TMEM63B: variants seen among roughly 807,000 people sequenced by gnomAD.
The protein encoded by TMEM63B is mechanosensitive cation channel TMEM63B.
In TMEM63B, 23 loss-of-function variants were observed where a neutral mutation model predicts 102.6. The ratio of observed to expected loss-of-function variants is 0.22; its 90% CI spans 0.16 to 0.32. The LOEUF (loss-of-function observed/expected upper bound fraction) is 0.32. Ranked by LOEUF, TMEM63B falls within the 10% of genes least tolerant of loss-of-function variation. The pLI is 1.00. For missense variants in TMEM63B, 628 were observed against 1,095.9 expected (o/e 0.57, Z 6.03); for synonymous variants, 444 against 437.0 (o/e 1.02, Z -0.20).
chr6:44,154,317 G>A (rs1276249891), intron 22 of TMEM63B, 48 bp from the exon 23 acceptor site: 2 of 1,607,850 alleles, frequency 1.2e-6, no homozygotes, highest in African/African-American at 2.7e-5. Flanking sequence ...GTCATGATCA[G>A]GGCTGAGGAC....
At chr6:44,149,153 C>A (rs760221694) in intron 15 of TMEM63B, 109 of 649,132 alleles carry the variant, frequency 1.7e-4, no homozygotes, top group Non-Finnish European at 2.6e-4. Context: ...TGTGCAACAC[C>A]TGGAGAAACA....
At chr6:44,136,541 G>T in intron 5 of TMEM63B, 102 bp downstream of exon 5, 1 of 833,088 alleles carries the variant, frequency 1.2e-6, no homozygotes, top group Non-Finnish European at 1.9e-6. Flanking sequence ...AGGGATGCTG[G>T]TTTGGCCTCC....
At chr6:44,127,482 T>A (rs907751078), upstream of TMEM63B, 4 of 150,938 alleles carry the variant, frequency 2.7e-5, no homozygotes, top group African/African-American at 7.3e-5. Context: ...GCACCTTGCG[T>A]GCGCCGGCGT....
At chr6:44,147,667 C>T (rs573486630) in intron 12 of TMEM63B, among the ~76,000 whole-genome samples, 167 bp downstream of exon 12, 1 of 152,302 alleles carries the variant, frequency 6.6e-6, no homozygotes, top group South Asian at 2.1e-4. Flanking sequence ...GTTTTCAAAC[C>T]TCAAATTAGA....
chr6:44,147,401 G>A lies in TMEM63B; in HGVS notation c.888G>A (p.Leu296=), dbSNP rs1038363095. 1.9e-6 allele frequency: 3 copies of A among 1,614,088 alleles called. 1 individual carries two copies. Among genetic ancestry groups the A allele is most frequent in the African/African-American group, 2.7e-5 (2 of 74,910 alleles). The change falls in exon 12 of 24, where the codon CTG becomes CTA. Residue 296 remains leucine (L), a synonymous_variant. Transcript: ENST00000323267. ...AERKKAERGK[L]YFTNLQSKEN... ...GGAAGAAGGCCGAGCGGGGAAAGCT[G>A]TACTTCACAAACCTCCAGAGCAAGG...
At chr6:44,129,527 G>A (rs1777888463) in intron 1 of TMEM63B, among the ~76,000 whole-genome samples, 1 of 152,100 alleles carries the variant, frequency 6.6e-6, no homozygotes, top group Admixed American at 6.6e-5. Context: ...CTGAACTTCT[G>A]ACCCATAACT....
At chr6:44,140,221 G>C in intron 8 of TMEM63B, 31 bp from the exon 9 acceptor site, 1 of 1,572,922 alleles carries the variant, frequency 6.4e-7, no homozygotes, top group Non-Finnish European at 8.7e-7. Flanking sequence ...TAGCCCCAGT[G>C]GCTCCCATGT....
At chr6:44,138,319 T>G in intron 5 of TMEM63B, 161 bp from the exon 6 acceptor site, 2 of 808,334 alleles carry the variant, frequency 2.5e-6, no homozygotes, top group South Asian at 1.6e-5. Context: ...TCTCTCCCTT[T>G]TTGGGTATAA....
intron 9 of TMEM63B, 52 bp downstream of exon 9, chr6:44,140,412 C>T: frequency 1.4e-6 from 2 of 1,474,696 alleles, no homozygotes; most frequent in Middle Eastern, 1.7e-4. Flanking sequence ...CTTCCCTTCC[C>T]TTCCCTGCAG....
In TMEM63B at chr6:44,151,985, G is replaced by C; in HGVS notation, c.1813G>C (p.Ala605Pro). The change falls in exon 19 of 24, where the codon GCC becomes CCC. Residue 605 changes from alanine to proline, a missense_variant. Ala to Pro is a conservative substitution (Grantham distance 27). This residue lies in a region of TMEM63B where 90 missense variants were observed against 136.7 expected (regional missense o/e 0.66). Transcript: ENST00000323267. ...MIRLCLARSA[A>P]ERRNVKRHQA... Reference sequence around the variant, plus strand: ...CCGGCTCTGCCTGGCGCGCTCGGCCGCCGAGAGGCGCAACGTGAAGCGGGT... The same window carrying C: ...CCGGCTCTGCCTGGCGCGCTCGGCCCCCGAGAGGCGCAACGTGAAGCGGGT... 6.2e-7 allele frequency: 1 copy of C among 1,610,378 alleles called. No individual in the cohort carries two copies. The highest frequency in any genetic ancestry group is 8.5e-7 in the Non-Finnish European group (1 of 1,178,344).
In TMEM63B at chr6:44,141,005, A is replaced by G. The variant is rs777122799; in HGVS notation, c.712-23A>G. 2.5e-6 allele frequency: 4 copies of G among 1,613,364 alleles called. No individual in the cohort carries two copies. The South Asian group carries it at 4.4e-5, about 18-fold the overall frequency. ...CCACTGGGGTCAAGCCTCAGAAGGC[A>G]AACCCACTCCCCTGTCACCCAGGTG... is the stretch of plus-strand genomic sequence containing the variant. On this transcript the variant is annotated intron_variant, in intron 9 of 23. Coordinates refer to ENST00000323267, the MANE Select transcript of TMEM63B (RefSeq NM_018426.3).
At chr6:44,132,797 A>G (rs2128222497) in intron 1 of TMEM63B, among the ~76,000 whole-genome samples, 1 of 152,300 alleles carries the variant, frequency 6.6e-6, no homozygotes. Context: ...CAGCACCCAC[A>G]GGTTCTCTGG....
In TMEM63B at chr6:44,154,430, T is replaced by C. The variant is rs758736983; in HGVS notation, c.2292T>C (p.Ala764=). The change falls in exon 23 of 24, where the codon GCT becomes GCC. Residue 764 remains alanine (A), a synonymous_variant. Transcript: ENST00000323267. The part of the protein sequence containing the change: ...RSNGRPPTAA[A]VPKSAKYIAQ... ...ATGGACGGCCCCCCACTGCTGCTGC[T>C]GTCCCCAAATCTGCGGTGAGTGCCC... 3.1e-6 allele frequency: 5 copies of C among 1,614,016 alleles called. No homozygotes were observed. The Middle Eastern group carries it at 6.6e-4, about 213-fold the overall frequency.
Position 44,140,166 on chromosome 6 carries a change from A to G in TMEM63B, c.603-86A>G, listed in dbSNP as rs563136261. On this transcript the variant is annotated intron_variant, in intron 8 of 23. Coordinates refer to ENST00000323267, the MANE Select transcript of TMEM63B (RefSeq NM_018426.3). ...GCAGTAGAGGGCCCTGTCTGTATCA[A>G]GGGTTTAACACTGACAGGCTGAGGT... The G allele has an allele frequency of 4.8e-5, 52 of 1,082,340 alleles. 1 individual carries two copies. The Admixed American group carries it at 5.8e-4, about 12-fold the overall frequency. 67.0% of individuals were successfully genotyped at this position (1,082,340 alleles called of 1,614,324 possible).
At position 44,150,690 on chromosome 6, in the gene TMEM63B, A is replaced by G; in HGVS notation, c.1673+61A>G. 1 of 1,529,654 alleles carries G rather than the reference A, an allele frequency of 6.5e-7. No homozygotes were observed. 94.8% of individuals were successfully genotyped at this position (1,529,654 alleles called of 1,614,324 possible). A position where few individuals can be genotyped will look rare whatever the true frequency, so the allele number is the denominator to read the frequency against. The stretch of plus-strand genomic sequence containing the variant: ...CAGCAGGGGTGGGTATGCTTGAGAG[A>G]CATTGCCAGCCCCATGGGAGGGTGC... On this transcript the variant is annotated intron_variant, in intron 18 of 23. Transcript: ENST00000323267. This position sits in a 1 kb window ranked among gnomAD's most constrained non-coding sequence, Gnocchi z 4.7.
chr6:44,146,944 AGAG>A lies in TMEM63B; in HGVS notation c.863+22_863+24del. On this transcript the variant is annotated intron_variant, in intron 11 of 23. Coordinates refer to ENST00000323267, the MANE Select transcript of TMEM63B (RefSeq NM_018426.3). The stretch of plus-strand genomic sequence containing the variant: ...TGCAGAGAGGTAAGGGACTGGGGGC[AGAG>A]GAGGGTGACACCAAGGGCCCCCTGC... 1 of 1,613,628 alleles carries A rather than the reference AGAG, an allele frequency of 6.2e-7. No homozygotes were observed. Among genetic ancestry groups the A allele is most frequent in the Non-Finnish European group, 8.5e-7 (1 of 1,179,732 alleles).
Position 44,137,990 on chromosome 6 carries a change from G to A in TMEM63B, c.370-490G>A, listed in dbSNP as rs559620959. Among the ~76,000 whole-genome samples the A allele has an allele frequency of 6.6e-5, 10 of 152,288 alleles. No individual in the cohort carries two copies. In the South Asian group the frequency reaches 1.0e-3, roughly 16 times the overall value. On this transcript the variant is annotated intron_variant, in intron 5 of 23. Transcript: ENST00000323267. Reference sequence around the variant, plus strand: ...GCTGGGATTACAGGCGTGAGCCACCGCACCTGGCCGGAGGTGGGGAGATAC... The same window carrying A: ...GCTGGGATTACAGGCGTGAGCCACCACACCTGGCCGGAGGTGGGGAGATAC...
Position 44,152,576 on chromosome 6 carries a change from G to A in TMEM63B, c.1837-17G>A. 1 of 1,599,768 alleles carries A rather than the reference G, an allele frequency of 6.3e-7. No homozygotes were observed. On this transcript the variant is annotated splice_polypyrimidine_tract_variant and intron_variant, in intron 19 of 23. Coordinates refer to ENST00000323267, the MANE Select transcript of TMEM63B (RefSeq NM_018426.3). This position sits in a 1 kb window ranked among gnomAD's most constrained non-coding sequence, Gnocchi z 6.4. ...CCCTGCCTCCCTGAGCCATCCTCCT[G>A]CCCGTCTCCCCCCCAGCATCAGGCC... is the stretch of plus-strand genomic sequence containing the variant.
chr6:44,147,542 G>T (rs776786719), intron 12 of TMEM63B, 42 bp downstream of exon 12: 34 of 1,606,852 alleles, frequency 2.1e-5, no homozygotes, highest in Non-Finnish European at 2.6e-5. Context: ...AAGTTGGACA[G>T]GTCCTGGGCA....
Sources: allele counts gnomAD v4.1 joint callset (sites outside exome capture counted in the v4.1 genomes callset), GRCh38; gene constraint gnomAD v4.1.1; regional missense constraint gnomAD v4.1.1; non-coding constraint Gnocchi (gnomAD v3.1); transcripts MANE v1.5; gene names NCBI Gene and HGNC (gene_info 2026-07-23, HGNC 2026-07-21).